FAM47E: variants seen among roughly 807,000 people sequenced by gnomAD.
FAM47E encodes the protein family with sequence similarity 47 member E, also known as protein FAM47E.
A neutral mutation model predicts 41.6 loss-of-function variants in FAM47E; 32 were observed. The ratio of observed to expected loss-of-function variants is 0.77; its 90% CI spans 0.58 to 1.03. FAM47E has a LOEUF of 1.03. Among genes scored for constraint, FAM47E ranks in the 50% least tolerant of loss-of-function variants. The probability of loss-of-function intolerance (pLI) is 0.00; values close to 1 mark genes in which losing one functional copy is unlikely to be tolerated. For missense variants in FAM47E, 424 were observed against 485.4 expected (o/e 0.87, Z 1.19); for synonymous variants, 184 against 188.7 (o/e 0.98, Z 0.20).
At chr4:76,276,972 G>A (rs1735145570) in intron 5 of FAM47E, among the ~76,000 whole-genome samples, 1 of 152,166 alleles carries the variant, frequency 6.6e-6, no homozygotes, top group Admixed American at 6.5e-5. Flanking sequence ...GTTTAAATGT[G>A]CATGAGAGGA....
chr4:76,216,881 T>G (rs1733217668), intron 1 of FAM47E, among the ~76,000 whole-genome samples: 1 of 152,238 alleles, frequency 6.6e-6, no homozygotes, highest in Non-Finnish European at 1.5e-5. Flanking sequence ...ATAATGTATG[T>G]TCCCAAAATA....
intron 2 of FAM47E, among the ~76,000 whole-genome samples, chr4:76,241,309 T>A (rs1337574406): frequency 1.3e-5 from 2 of 152,166 alleles, no homozygotes; most frequent in Non-Finnish European, 2.9e-5. Flanking sequence ...AGGCTCATCG[T>A]TTAAATCCCC....
chr4:76,254,816 G>A (rs1197247770), intron 1 of FAM47E, among the ~76,000 whole-genome samples: 4 of 152,164 alleles, frequency 2.6e-5, no homozygotes, highest in African/African-American at 7.2e-5. Flanking sequence ...ATTCCAAGTC[G>A]TGGCTTTGGT....
chr4:76,277,250 C>T (rs914755749), intron 5 of FAM47E, among the ~76,000 whole-genome samples: 13 of 152,120 alleles, frequency 8.5e-5, no homozygotes, highest in South Asian at 6.2e-4. Context: ...TTTGGGAGGC[C>T]GAGGCGGGCG....
At chr4:76,219,592 GT>G (rs1219452899) in intron 2 of FAM47E, among the ~76,000 whole-genome samples, 1 of 152,180 alleles carries the variant, frequency 6.6e-6, no homozygotes, top group Non-Finnish European at 1.5e-5. Flanking sequence ...AGAAAGCCAG[GT>G]TTACTCAGCA....
chr4:76,249,981 C>A (rs1405035040), upstream of FAM47E, among the ~76,000 whole-genome samples: 3 of 152,060 alleles, frequency 2.0e-5, no homozygotes, highest in Non-Finnish European at 4.4e-5. Context: ...TGGGCTGGTT[C>A]CATAGTTTTG....
intron 5 of FAM47E, among the ~76,000 whole-genome samples, chr4:76,273,761 C>T (rs979839397): frequency 2.0e-5 from 3 of 151,984 alleles, no homozygotes; most frequent in East Asian, 1.9e-4. Context: ...GTAATTAGGC[C>T]GCTTGAAGTT....
At chr4:76,225,599 G>A (rs893556726) in intron 2 of FAM47E, among the ~76,000 whole-genome samples, 1 of 152,190 alleles carries the variant, frequency 6.6e-6, no homozygotes, top group African/African-American at 2.4e-5. Flanking sequence ...ATCATAAAGC[G>A]ATGCTGGATT....
chr4:76,219,535 C>T (rs535125214), intron 2 of FAM47E, among the ~76,000 whole-genome samples: 100 of 152,190 alleles, frequency 6.6e-4, no homozygotes, highest in African/African-American at 2.2e-3. Context: ...CGAGAGGTCA[C>T]AGTTATTCTT....
At chr4:76,269,776 A>G (rs1277643943) in intron 4 of FAM47E, among the ~76,000 whole-genome samples, 2 of 129,940 alleles carry the variant, frequency 1.5e-5, no homozygotes, top group African/African-American at 5.3e-5. Flanking sequence ...CAACAAAGCA[A>G]GATCCTGTCT....
chr4:76,243,974 T>C (rs937309926), intron 2 of FAM47E, among the ~76,000 whole-genome samples: 5 of 152,326 alleles, frequency 3.3e-5, no homozygotes, highest in East Asian at 1.9e-4. Context: ...CTCCCACTTA[T>C]GAGTGAGAAT....
At chr4:76,244,533 CTTTTTTTTTTTTTTT>C (rs71212407) in intron 2 of FAM47E, among the ~76,000 whole-genome samples, 3 of 66,054 alleles carry the variant, frequency 4.5e-5, no homozygotes, top group Non-Finnish European at 8.0e-5. Context: ...AGGCATTCTT[CTTTTTTTTTTTTTTT>C]TTTTTTTTTT....
intron 2 of FAM47E, chr4:76,236,382 AAC>A (rs1733587027): frequency 6.6e-6 from 1 of 152,150 alleles, no homozygotes; most frequent in South Asian, 2.1e-4. Flanking sequence ...ATCTGTGAAA[AAC>A]ACAGGATAGA....
At chr4:76,224,349 G>C (rs533895709) in intron 2 of FAM47E, among the ~76,000 whole-genome samples, 1 of 152,270 alleles carries the variant, frequency 6.6e-6, no homozygotes, top group African/African-American at 2.4e-5. Context: ...CTTAGAGCCA[G>C]GCACCTTAGA....
intron 2 of FAM47E, among the ~76,000 whole-genome samples, chr4:76,231,058 G>A (rs908879998): frequency 2.6e-5 from 4 of 152,122 alleles, no homozygotes; most frequent in Non-Finnish European, 5.9e-5. Flanking sequence ...CAGGGGAGTT[G>A]CATGGACTCC....
intron 6 of FAM47E, chr4:76,280,006 A>T: frequency 5.9e-6 from 2 of 338,696 alleles, no homozygotes; most frequent in Non-Finnish European, 5.4e-6. Flanking sequence ...ATAGGTCAAT[A>T]ATTGTCTAAT....
intron 2 of FAM47E, among the ~76,000 whole-genome samples, chr4:76,230,500 G>A (rs949628679): frequency 1.4e-4 from 22 of 152,260 alleles, no homozygotes; most frequent in Non-Finnish European, 1.2e-4. Flanking sequence ...CTGCCCACAC[G>A]ATGGGCCATG....
chr4:76,283,532 T>C lies in FAM47E; in HGVS notation c.*74T>C. 2 of 927,172 alleles carry C rather than the reference T, an allele frequency of 2.2e-6. No homozygotes were observed. Among genetic ancestry groups the C allele is most frequent in the East Asian group, 2.6e-5 (1 of 37,834 alleles). 57.4% of individuals were successfully genotyped at this position (927,172 alleles called of 1,614,324 possible). On this transcript the variant is annotated 3_prime_UTR_variant, in exon 8 of 8. Transcript: ENST00000424749. ...CTATTTCTCTGTCTCCTTTTAAAGATTAAACAGAGTTTATGATGAGTGTCC... is the reference window on the plus strand; with the variant it reads ...CTATTTCTCTGTCTCCTTTTAAAGACTAAACAGAGTTTATGATGAGTGTCC...
chr4:76,254,977 T>C (rs1353835704), intron 1 of FAM47E, among the ~76,000 whole-genome samples: 1 of 152,072 alleles, frequency 6.6e-6, no homozygotes, highest in Non-Finnish European at 1.5e-5. Context: ...GCTATATATA[T>C]GGCGGTGGGA....
Sources: allele counts gnomAD v4.1 joint callset (sites outside exome capture counted in the v4.1 genomes callset), GRCh38; gene constraint gnomAD v4.1.1; transcripts MANE v1.5; gene names NCBI Gene and HGNC (gene_info 2026-07-23, HGNC 2026-07-21).